RAD54L2: variants seen among roughly 807,000 people sequenced by gnomAD.
RAD54L2 encodes the protein helicase ARIP4.
A neutral mutation model predicts 138.4 loss-of-function variants in RAD54L2; 27 were observed. That is an observed-to-expected ratio of 0.20 (90% CI 0.14 to 0.27). RAD54L2 has a LOEUF of 0.27. Among genes scored for constraint, RAD54L2 ranks in the 10% least tolerant of loss-of-function variants. RAD54L2 has a pLI of 1.00. For synonymous variants in RAD54L2, 644 were observed against 723.2 expected (o/e 0.89, Z 1.76); for missense variants, 1,396 against 1,890.2 (o/e 0.74, Z 4.85).
intron 3 of RAD54L2, among the ~76,000 whole-genome samples, chr3:51,623,980 C>CA (rs35064930): frequency 0.015 from 1,112 of 73,946 alleles, 13 homozygotes; most frequent in African/African-American, 0.03. Flanking sequence ...CTCCGTCTCA[C>CA]AAAAAAAAAA....
intron 3 of RAD54L2, among the ~76,000 whole-genome samples, chr3:51,620,525 G>C (rs952454902): frequency 6.6e-6 from 1 of 150,614 alleles, no homozygotes; most frequent in South Asian, 2.1e-4. Flanking sequence ...CAATAGGAGA[G>C]AGAAGAGATG....
intron 13 of RAD54L2, 72 bp downstream of exon 13, chr3:51,639,742 A>G: frequency 6.3e-7 from 1 of 1,577,844 alleles, no homozygotes; most frequent in African/African-American, 1.3e-5. Flanking sequence ...TGCCTGGGGA[A>G]GGGGTAGGGA....
At chr3:51,644,160 AT>A (rs1389445585) in intron 16 of RAD54L2, among the ~76,000 whole-genome samples, 186 bp downstream of exon 16, 3 of 152,228 alleles carry the variant, frequency 2.0e-5, no homozygotes, top group Non-Finnish European at 4.4e-5. Context: ...GTATCATAAA[AT>A]TTTTTGAGAC....
At chr3:51,540,593 C>A (rs1698525820) in intron 1 of RAD54L2, among the ~76,000 whole-genome samples, 1 of 152,140 alleles carries the variant, frequency 6.6e-6, no homozygotes, top group Admixed American at 6.5e-5. Flanking sequence ...AATCATTGTA[C>A]CTTCTGAGTT....
rs141594135 is a variant in RAD54L2, at chr3:51,647,958, C to T, written c.3026+1477C>T. Among the ~76,000 whole-genome samples, 221 of 152,320 alleles carry T rather than the reference C, an allele frequency of 1.5e-3. 7 individuals carry two copies. In the East Asian group the frequency reaches 0.04, roughly 28 times the overall value. ...ACTGGGACTGGTTAGACAATGGGTG[C>T]AGCCCACAGAGGGCGAGCCGAAGCA... On this transcript the variant is annotated intron_variant, in intron 19 of 22. Coordinates refer to ENST00000684192, the MANE Select transcript of RAD54L2 (RefSeq NM_015106.4).
At chr3:51,557,905 C>T (rs909154842) in intron 2 of RAD54L2, among the ~76,000 whole-genome samples, 1 of 151,128 alleles carries the variant, frequency 6.6e-6, no homozygotes, top group Non-Finnish European at 1.5e-5. Flanking sequence ...GTTGCAGTGG[C>T]ACAATCTCTG....
Position 51,664,359 on chromosome 3 carries a change from T to C in RAD54L2, c.*939T>C, listed in dbSNP as rs1701868504. 6.6e-6 allele frequency: 1 copy of C among 152,264 alleles called. No individual in the cohort carries two copies. The highest frequency in any genetic ancestry group is 2.1e-4 in the South Asian group (1 of 4,830). 9.4% of individuals were successfully genotyped at this position (152,264 alleles called of 1,614,324 possible). On this transcript the variant is annotated 3_prime_UTR_variant, in exon 23 of 23. Transcript: ENST00000684192. ...AGGCTGGGAGGGAGAAGCACTGCAG[T>C]ACGTGAATGAAAGGTCGCAGAGTTG... is the stretch of plus-strand genomic sequence containing the variant.
intron 2 of RAD54L2, among the ~76,000 whole-genome samples, chr3:51,589,687 C>T (rs990401795): frequency 8.4e-4 from 125 of 149,062 alleles, no homozygotes; most frequent in African/African-American, 2.9e-3. Flanking sequence ...TATATATACA[C>T]ACACACACAC....
chr3:51,617,403 T>C (rs1268662216), intron 3 of RAD54L2, among the ~76,000 whole-genome samples: 1 of 152,256 alleles, frequency 6.6e-6, no homozygotes, highest in Non-Finnish European at 1.5e-5. Context: ...GTTTTAGTTA[T>C]TCTAGTGAGT....
chr3:51,540,729 T>C (rs939102317), intron 1 of RAD54L2, among the ~76,000 whole-genome samples: 15 of 152,248 alleles, frequency 9.9e-5, no homozygotes, highest in African/African-American at 3.4e-4. Flanking sequence ...TTCCTTAAGC[T>C]TTAAATAATT....
At chr3:51,572,230 C>G (rs1699352612) in intron 2 of RAD54L2, among the ~76,000 whole-genome samples, 1 of 152,090 alleles carries the variant, frequency 6.6e-6, no homozygotes, top group Non-Finnish European at 1.5e-5. Flanking sequence ...GGGTGGATCA[C>G]CTGAGGTCAG....
chr3:51,596,044 T>C (rs1699953958), intron 3 of RAD54L2, among the ~76,000 whole-genome samples: 1 of 88,888 alleles, frequency 1.1e-5, no homozygotes, highest in African/African-American at 4.2e-5. Flanking sequence ...TCCTCCCACC[T>C]TAGCCTCCCA....
intron 3 of RAD54L2, among the ~76,000 whole-genome samples, chr3:51,599,803 A>T (rs1700042538): frequency 6.6e-6 from 1 of 151,984 alleles, no homozygotes; most frequent in Non-Finnish European, 1.5e-5. Flanking sequence ...CAGATAGTAG[A>T]AATGGGATTT....
intron 2 of RAD54L2, among the ~76,000 whole-genome samples, chr3:51,582,725 A>G (rs1249128918): frequency 6.6e-6 from 1 of 151,412 alleles, no homozygotes; most frequent in African/African-American, 2.4e-5. Flanking sequence ...GGGGTGTGCT[A>G]TTCAATGACT....
chr3:51,653,405 A>G (rs1701497988), intron 19 of RAD54L2, among the ~76,000 whole-genome samples: 1 of 152,232 alleles, frequency 6.6e-6, no homozygotes, highest in South Asian at 2.1e-4. Flanking sequence ...TAGAAATACC[A>G]TTTGACCCAG....
At chr3:51,596,819 C>G (rs1219059900) in intron 3 of RAD54L2, among the ~76,000 whole-genome samples, 1 of 152,162 alleles carries the variant, frequency 6.6e-6, no homozygotes. Context: ...CACTGCTCAT[C>G]CAAATTGTTT....
intron 3 of RAD54L2, among the ~76,000 whole-genome samples, chr3:51,618,226 C>G (rs1700492625): frequency 6.6e-6 from 1 of 151,446 alleles, no homozygotes; most frequent in African/African-American, 2.4e-5. Context: ...ATCTGCCTGC[C>G]TTGGCCTCCC....
chr3:51,632,029 C>G (rs957084511), intron 7 of RAD54L2, among the ~76,000 whole-genome samples: 1 of 152,154 alleles, frequency 6.6e-6, no homozygotes, highest in Non-Finnish European at 1.5e-5. Context: ...TTTTCTACTT[C>G]CATGAGATCA....
intron 2 of RAD54L2, among the ~76,000 whole-genome samples, chr3:51,585,286 G>A (rs1160476928): frequency 6.6e-6 from 1 of 152,136 alleles, no homozygotes; most frequent in Non-Finnish European, 1.5e-5. Context: ...TGAGGACATG[G>A]CAGTCTGGGA....
Sources: gnomAD v4.1 joint callset for allele counts (sites outside exome capture counted in the v4.1 genomes callset) on GRCh38, gnomAD v4.1.1 for gene constraint, MANE v1.5 for transcripts, NCBI Gene and HGNC (gene_info 2026-07-23, HGNC 2026-07-21) for gene names.